The following TULP3 variants were observed in gnomAD, a reference collection of about 807,000 sequenced individuals.
The protein encoded by TULP3 is tubby-related protein 3.
In TULP3, 38 loss-of-function variants were observed where a neutral mutation model predicts 50.7. The ratio of observed to expected loss-of-function variants is 0.75; its 90% CI spans 0.58 to 0.98. TULP3 has a LOEUF of 0.98. Ranked by LOEUF, TULP3 falls within the 50% of genes least tolerant of loss-of-function variation. The pLI, the probability that TULP3 is intolerant of heterozygous loss-of-function variation, is 0.00. For synonymous variants in TULP3, 183 were observed against 196.6 expected, an observed-to-expected ratio of 0.93 and a Z score of 0.58; for missense variants, 550 against 568.0, an observed-to-expected ratio of 0.97 and a Z score of 0.32.
chr12:2,929,824 C>T (rs187710318), intron 4 of TULP3, among the ~76,000 whole-genome samples: 6 of 151,576 alleles, frequency 4.0e-5, no homozygotes, highest in African/African-American at 1.5e-4. Context: ...CTCCTGACTT[C>T]GTGATCTGCC....
Position 2,937,642 on chromosome 12 carries a change from A to C in TULP3, c.936A>C (p.Val312=). 1 of 1,611,208 alleles carries C rather than the reference A, an allele frequency of 6.2e-7. No homozygotes were observed. Among genetic ancestry groups the C allele is most frequent in the Non-Finnish European group, 8.5e-7 (1 of 1,178,542 alleles). ...ELAAISYETN[V]LGFKGPRKMS... is the part of the protein sequence containing the mutation. ...TTCCTATCTTCCAGGAAACAAACGT[A>C]CTTGGATTTAAAGGTCCTAGGAAAA... The change falls in exon 9 of 11, where the codon GTA becomes GTC. Residue 312 remains valine, a synonymous_variant. Transcript: ENST00000448120.
At chr12:2,899,617 GGC>G (rs2098177731) in intron 1 of TULP3, among the ~76,000 whole-genome samples, 1 of 152,168 alleles carries the variant, frequency 6.6e-6, no homozygotes, top group Non-Finnish European at 1.5e-5. Flanking sequence ...GCGGGGGCCG[GGC>G]GTGGTGGCTC....
At chr12:2,918,079 A>C (rs1238043222) in intron 2 of TULP3, among the ~76,000 whole-genome samples, 1 of 152,006 alleles carries the variant, frequency 6.6e-6, no homozygotes, top group East Asian at 1.9e-4. Flanking sequence ...AGCAAGAGTG[A>C]AACTCCGTCT....
chr12:2,923,229 G>C (rs2098192799), intron 4 of TULP3, among the ~76,000 whole-genome samples: 1 of 152,148 alleles, frequency 6.6e-6, no homozygotes, highest in African/African-American at 2.4e-5. Flanking sequence ...GCCCAATAAT[G>C]AATATGTATT....
Position 2,898,974 on chromosome 12 carries a change from T to C in TULP3, c.41+7986T>C, listed in dbSNP as rs556371349. Among the ~76,000 whole-genome samples the C allele has an allele frequency of 1.5e-3, 226 of 152,262 alleles. 2 individuals are homozygous for C. The highest frequency in any genetic ancestry group is 5.1e-3 in the African/African-American group (214 of 41,566). On this transcript the variant is annotated intron_variant, in intron 1 of 10. Transcript: ENST00000448120. Reference sequence around the variant, plus strand: ...GATGACAGGCATGAGTCACTGCACCTGGTTGGAATTTGAATTTAATATAAT... The same window carrying C: ...GATGACAGGCATGAGTCACTGCACCCGGTTGGAATTTGAATTTAATATAAT...
At position 2,893,404 on chromosome 12, in the gene TULP3, C is replaced by A. The variant is rs960705539; in HGVS notation, c.41+2416C>A. Among the ~76,000 whole-genome samples the A allele has an allele frequency of 3.4e-5, 5 of 147,050 alleles. No homozygotes were observed. The Admixed American group carries it at 3.4e-4, about 10-fold the overall frequency. ...AGTGCAGTGGCGCCATCTTGGCTTA[C>A]TTGCCTCCTGGGTTCCAGTGATTCT... is the stretch of plus-strand genomic sequence containing the variant. On this transcript the variant is annotated intron_variant, in intron 1 of 10. Coordinates refer to ENST00000448120, the MANE Select transcript of TULP3 (RefSeq NM_003324.5).
rs1182563378 is a variant in TULP3, at chr12:2,940,673, A to G, written c.*1229A>G. ...GCTCCCTCAGACCTCCCTTCTGTGG[A>G]CTGACCTCTCACCTCCGCCTGTTGT... On this transcript the variant is annotated 3_prime_UTR_variant, in exon 11 of 11. Transcript: ENST00000448120. 4.8e-5 allele frequency: 74 copies of G among 1,551,580 alleles called. No individual in the cohort carries two copies. Among genetic ancestry groups the G allele is most frequent in the Non-Finnish European group, 6.4e-5 (73 of 1,146,994 alleles).
chr12:2,938,391 C>G, intron 10 of TULP3, 106 bp downstream of exon 10: 2 of 1,268,360 alleles, frequency 1.6e-6, no homozygotes, highest in Non-Finnish European at 2.2e-6. Flanking sequence ...AGCAGATAAT[C>G]ATGGAGGAGA....
In TULP3 at chr12:2,909,515, T is replaced by A. The variant is rs1258522104; in HGVS notation, c.42-14T>A. 3 of 1,575,158 alleles carry A rather than the reference T, an allele frequency of 1.9e-6. No individual in the cohort carries two copies. The highest frequency in any genetic ancestry group is 2.6e-6 in the Non-Finnish European group (3 of 1,169,114). On this transcript the variant is annotated splice_polypyrimidine_tract_variant and intron_variant, in intron 1 of 10. Coordinates refer to ENST00000448120, the MANE Select transcript of TULP3 (RefSeq NM_003324.5). ...CTTTTTATATACTTGCTTTATTTTTTTTTTTTTTAACAGTGTCTTCCATGA... is the reference window on the plus strand; with the variant it reads ...CTTTTTATATACTTGCTTTATTTTTATTTTTTTTAACAGTGTCTTCCATGA...
chr12:2,912,586 A>G (rs933869902), intron 2 of TULP3, among the ~76,000 whole-genome samples: 1 of 152,190 alleles, frequency 6.6e-6, no homozygotes. Context: ...GCTCTGTAGG[A>G]TAAGAAACAG....
chr12:2,913,344 C>G (rs1186843999), intron 2 of TULP3, among the ~76,000 whole-genome samples: 2 of 151,528 alleles, frequency 1.3e-5, no homozygotes, highest in Admixed American at 6.6e-5. Flanking sequence ...ACCTCCTGGG[C>G]TCAAGCGATC....
At chr12:2,935,664 A>G (rs145021522) in intron 8 of TULP3, among the ~76,000 whole-genome samples, 65 of 152,254 alleles carry the variant, frequency 4.3e-4, no homozygotes, top group African/African-American at 1.5e-3. Flanking sequence ...TTTCCTCTAT[A>G]GCTTTCATAT....
At chr12:2,909,483 G>A in intron 1 of TULP3, 46 bp from the exon 2 acceptor site, 4 of 1,524,116 alleles carry the variant, frequency 2.6e-6, no homozygotes, top group Non-Finnish European at 3.6e-6. Flanking sequence ...AATTGACAAG[G>A]CGTTTTCTTT....
intron 2 of TULP3, among the ~76,000 whole-genome samples, chr12:2,913,351 G>A (rs1442648391): frequency 4.6e-5 from 7 of 151,012 alleles, no homozygotes; most frequent in South Asian, 2.1e-4. Flanking sequence ...GGGCTCAAGC[G>A]ATCCTCCCAC....
chr12:2,923,786 A>G (rs1334111408), intron 4 of TULP3, among the ~76,000 whole-genome samples: 4 of 152,024 alleles, frequency 2.6e-5, no homozygotes, highest in Non-Finnish European at 2.9e-5. Flanking sequence ...AGCCTGGGCA[A>G]CATGGAGAAA....
chr12:2,891,517 G>A (rs528164773), intron 1 of TULP3, among the ~76,000 whole-genome samples: 1 of 152,166 alleles, frequency 6.6e-6, no homozygotes, highest in African/African-American at 2.4e-5. Flanking sequence ...TCCCTGATTC[G>A]GGATGGTCTG....
chr12:2,912,690 G>A (rs2098186320), intron 2 of TULP3, among the ~76,000 whole-genome samples: 1 of 152,194 alleles, frequency 6.6e-6, no homozygotes, highest in African/African-American at 2.4e-5. Context: ...TCACTTTCTA[G>A]TGAACTGTGT....
chr12:2,935,967 T>TA (rs1237557643), intron 8 of TULP3, among the ~76,000 whole-genome samples: 1 of 149,674 alleles, frequency 6.7e-6, no homozygotes, highest in Admixed American at 6.7e-5. Flanking sequence ...AGACCCTGTT[T>TA]AAAAAATAAT....
chr12:2,931,642 C>T (rs2098198099), intron 6 of TULP3, among the ~76,000 whole-genome samples: 1 of 152,158 alleles, frequency 6.6e-6, no homozygotes, highest in Non-Finnish European at 1.5e-5. Flanking sequence ...GAAGGACCTA[C>T]AAGTTAAATG....
Sources: gnomAD v4.1 joint callset for allele counts (sites outside exome capture counted in the v4.1 genomes callset) on GRCh38, gnomAD v4.1.1 for gene constraint, MANE v1.5 for transcripts, NCBI Gene and HGNC (gene_info 2026-07-23, HGNC 2026-07-21) for gene names.